The following NKX6-1 variants were observed in gnomAD, a reference collection of about 807,000 sequenced individuals.
NKX6-1 encodes NK6 homeobox 1.
In NKX6-1, 11 loss-of-function variants were observed where a neutral mutation model predicts 24.9. That is an observed-to-expected ratio of 0.44 (90% confidence interval 0.28 to 0.73). The LOEUF is 0.73. NKX6-1 is among the 30% of genes least tolerant of loss of function. NKX6-1 has a pLI of 0.15. For missense variants in NKX6-1, 487 were observed against 502.9 expected (o/e 0.97, Z 0.30); for synonymous variants, 277 against 242.9 (o/e 1.14, Z -1.31).
rs751590362 is a variant in NKX6-1 at position 84,497,403 on chromosome 4, C to T, written c.670+156G>A. On this transcript the variant is annotated intron_variant, in intron 1 of 2. Transcript: ENST00000295886. The surrounding 1 kb of genome is among the most constrained non-coding windows in gnomAD (Gnocchi z 4.8). ...AAAAGCGAGAATCCCTTTCTGGAAGCCCTGGCCCAACCTAACTGGTGTGAT... is the reference window on the plus strand; with the variant it reads ...AAAAGCGAGAATCCCTTTCTGGAAGTCCTGGCCCAACCTAACTGGTGTGAT... Among the ~76,000 whole-genome samples, 27 of 152,204 alleles carry T rather than the reference C, an allele frequency of 1.8e-4. No individual in the cohort carries two copies. The highest frequency in any genetic ancestry group is 7.2e-4 in the Admixed American group (11 of 15,284).
At chr4:84,494,952 G>A (rs1720789999) in intron 2 of NKX6-1, among the ~76,000 whole-genome samples, 1 of 152,106 alleles carries the variant, frequency 6.6e-6, no homozygotes, top group Non-Finnish European at 1.5e-5. Flanking sequence ...TCTGAAATTT[G>A]TTTCCTTGGA....
rs34303850 is a variant in NKX6-1 at position 84,494,174 on chromosome 4, CA to C, written c.844-626del. ...TTTACTTGCAATGTATGGTGCACTT[CA>C]AAAAAAAAAAAAAAAAGATCTGTTA... On this transcript the variant is annotated intron_variant, in intron 2 of 2. Transcript: ENST00000295886. Among the ~76,000 whole-genome samples the C allele has an allele frequency of 4.2e-3, 447 of 107,540 alleles. 2 individuals carry two copies. Among genetic ancestry groups the C allele is most frequent in the Middle Eastern group, 0.015 (3 of 200 alleles). 70.6% of individuals were successfully genotyped at this position (107,540 alleles called of 152,430 possible). A position where few individuals can be genotyped will look rare whatever the true frequency, so the allele number is the denominator to read the frequency against.
At chr4:84,494,093 C>G (rs1180645492) in intron 2 of NKX6-1, among the ~76,000 whole-genome samples, 1 of 149,734 alleles carries the variant, frequency 6.7e-6, no homozygotes, top group Non-Finnish European at 1.5e-5. Context: ...GTTTGTTTCA[C>G]TTATCTCAGA....
In NKX6-1 at chr4:84,492,279, G is replaced by GCAT. The variant is rs1216943244; in HGVS notation, c.*1007_*1009dup. The GCAT allele has an allele frequency of 6.6e-6, 1 of 152,072 alleles. No homozygotes were observed. Among genetic ancestry groups the GCAT allele is most frequent in the Non-Finnish European group, 1.5e-5 (1 of 68,022 alleles). The allele number at this position is 152,072 out of a possible 1,614,324, so 9.4% of individuals were successfully genotyped here. A position where few individuals can be genotyped will look rare whatever the true frequency, so the allele number is the denominator to read the frequency against. ...CAATTCCCACCACCTACTTTAACAC[G>GCAT]CATTTTTATCAGAAAGGAGTTAAAT... On this transcript the variant is annotated 3_prime_UTR_variant, in exon 3 of 3. Coordinates refer to ENST00000295886, the MANE Select transcript of NKX6-1 (RefSeq NM_006168.3).
chr4:84,495,717 C>A lies in NKX6-1; in HGVS notation c.798G>T (p.Arg266Ser). Reference sequence around the variant, plus strand: ...TCCCCAACGAATAGGCCAAACGAGCCCTCTCGGGCCCCGCCAAGTATTTTG... The same window carrying A: ...TCCCCAACGAATAGGCCAAACGAGCACTCTCGGGCCCCGCCAAGTATTTTG... ...EQTKYLAGPE[R>S]ARLAYSLGMT... Residue 266 changes from arginine (R) to serine (S), a missense_variant, in exon 2 of 3, where the codon AGG becomes AGT. Transcript: ENST00000295886. The A allele has an allele frequency of 6.2e-7, 1 of 1,613,092 alleles. No individual in the cohort carries two copies. Among genetic ancestry groups the A allele is most frequent in the Non-Finnish European group, 8.5e-7 (1 of 1,180,034 alleles).
chr4:84,498,471 CG>C lies in NKX6-1; in HGVS notation c.-244del, dbSNP rs1720876967. The C allele has an allele frequency of 2.5e-6, 1 of 397,068 alleles. No homozygotes were observed. The highest frequency in any genetic ancestry group is 4.4e-5 in the Admixed American group (1 of 22,518). 24.6% of individuals were successfully genotyped at this position (397,068 alleles called of 1,614,324 possible). On this transcript the variant is annotated 5_prime_UTR_variant, in exon 1 of 3. Transcript: ENST00000295886. ...TCGCCGAGAAAAGCAGGCGTCCCGG[CG>C]GGCTAGGCAGTCCTTTCGTTCCGCG...
In NKX6-1 at chr4:84,492,996, C is replaced by T. The variant is rs1049660188; in HGVS notation, c.*293G>A. On this transcript the variant is annotated 3_prime_UTR_variant, in exon 3 of 3. Transcript: ENST00000295886. ...AGGCCGCTGCCCGCCTATGGGGACGCGGCTGGGACCGTGGCCCGGCTGCGG... is the reference window on the plus strand; with the variant it reads ...AGGCCGCTGCCCGCCTATGGGGACGTGGCTGGGACCGTGGCCCGGCTGCGG... The T allele has an allele frequency of 3.1e-4, 65 of 207,910 alleles. No homozygotes were observed. The highest frequency in any genetic ancestry group is 5.7e-4 in the Non-Finnish European group (60 of 105,564). The allele number at this position is 207,910 out of a possible 1,614,324, so 12.9% of individuals were successfully genotyped here.
In NKX6-1 at chr4:84,493,588, C is replaced by T. The variant is rs13123447; in HGVS notation, c.844-39G>A. The stretch of plus-strand genomic sequence containing the variant: ...AAAGGGAGGAGAGGGGAGGCAAGGG[C>T]GAGGAATTAAACGAGCAGATCCAGG... On this transcript the variant is annotated intron_variant, in intron 2 of 2. Transcript: ENST00000295886. This position sits in a 1 kb window ranked among gnomAD's most constrained non-coding sequence, Gnocchi z 5.1. 525,393 of 1,608,532 alleles carry T rather than the reference C, an allele frequency of 0.33. 87,258 individuals carry two copies. Among genetic ancestry groups the T allele is most frequent in the Admixed American group, 0.42 (25,335 of 59,746 alleles).
chr4:84,497,947 G>C lies in NKX6-1; in HGVS notation c.282C>G (p.Thr94=). 7.7e-7 allele frequency: 1 copy of C among 1,300,658 alleles called. No individual in the cohort carries two copies. The highest frequency in any genetic ancestry group is 9.8e-7 in the Non-Finnish European group (1 of 1,020,838). 80.6% of individuals were successfully genotyped at this position (1,300,658 alleles called of 1,614,324 possible). Reference sequence around the variant, plus strand: ...TCAGGATATCGTTGATGCCGTGTGGGGTGGCGGCCGAGAGCTGCTGCGGGG... The same window carrying C: ...TCAGGATATCGTTGATGCCGTGTGGCGTGGCGGCCGAGAGCTGCTGCGGGG... ...GSPPQQLSAA[T]PHGINDILSR... Residue 94 remains threonine (T), a synonymous_variant, in exon 1 of 3, where the codon ACC becomes ACG. Transcript: ENST00000295886. The surrounding 1 kb of genome is among the most constrained non-coding windows in gnomAD (Gnocchi z 4.8).
At chr4:84,496,363 G>C (rs999051737) in intron 1 of NKX6-1, 7 of 150,174 alleles carry the variant, frequency 4.7e-5, no homozygotes, top group African/African-American at 1.7e-4. Flanking sequence ...CCGAGGGGGA[G>C]AGGGGAAGGG....
rs1376908635 is a variant in NKX6-1, at chr4:84,493,180, T to TCCTCCGGGC, written c.*100_*108dup. On this transcript the variant is annotated 3_prime_UTR_variant, in exon 3 of 3. Coordinates refer to ENST00000295886, the MANE Select transcript of NKX6-1 (RefSeq NM_006168.3). The surrounding 1 kb of genome is among the most constrained non-coding windows in gnomAD (Gnocchi z 5.1). ...AAGGGTCCCCGCAGGCAGGGCCGGGTCCTCCGGGCCCCGAGGAGCGGGCAG... is the reference window on the plus strand; with the variant it reads ...AAGGGTCCCCGCAGGCAGGGCCGGGTCCTCCGGGCCCTCCGGGCCCCGAGGAGCGGGCAG... 3 of 1,030,016 alleles carry TCCTCCGGGC rather than the reference T, an allele frequency of 2.9e-6. No individual in the cohort carries two copies. Among genetic ancestry groups the TCCTCCGGGC allele is most frequent in the Non-Finnish European group, 3.9e-6 (3 of 776,812 alleles). The allele number at this position is 1,030,016 out of a possible 1,614,324, so 63.8% of individuals were successfully genotyped here.
In NKX6-1 at chr4:84,498,496, C is replaced by T; in HGVS notation, c.-268G>A. The T allele has an allele frequency of 2.6e-6, 1 of 387,378 alleles. No individual in the cohort carries two copies. Among genetic ancestry groups the T allele is most frequent in the Non-Finnish European group, 4.6e-6 (1 of 219,420 alleles). 24.0% of individuals were successfully genotyped at this position (387,378 alleles called of 1,614,324 possible). A position where few individuals can be genotyped will look rare whatever the true frequency, so the allele number is the denominator to read the frequency against. ...CGGGCTAGGCAGTCCTTTCGTTCCG[C>T]GAGTCCTAGATTCGATCCCTGGCTA... On this transcript the variant is annotated 5_prime_UTR_variant, in exon 1 of 3. Coordinates refer to ENST00000295886, the MANE Select transcript of NKX6-1 (RefSeq NM_006168.3).
At chr4:84,494,298 T>C (rs916687939) in intron 2 of NKX6-1, among the ~76,000 whole-genome samples, 7 of 152,166 alleles carry the variant, frequency 4.6e-5, no homozygotes, top group Admixed American at 4.6e-4. Flanking sequence ...TGAAAAATTG[T>C]CAATTACATT....
At position 84,492,305 on chromosome 4, in the gene NKX6-1, A is replaced by G. The variant is rs1218895293; in HGVS notation, c.*984T>C. 6.6e-6 allele frequency: 1 copy of G among 152,248 alleles called. No homozygotes were observed. The highest frequency in any genetic ancestry group is 1.5e-5 in the Non-Finnish European group (1 of 68,052). The allele number at this position is 152,248 out of a possible 1,614,324, so 9.4% of individuals were successfully genotyped here. On this transcript the variant is annotated 3_prime_UTR_variant, in exon 3 of 3. Transcript: ENST00000295886. Reference sequence around the variant, plus strand: ...CATTTTTATCAGAAAGGAGTTAAATACAAGCTATTGTAGCCCCTCCCTCCC... The same window carrying G: ...CATTTTTATCAGAAAGGAGTTAAATGCAAGCTATTGTAGCCCCTCCCTCCC...
At chr4:84,494,584 G>T (rs576982696) in intron 2 of NKX6-1, among the ~76,000 whole-genome samples, 2 of 152,244 alleles carry the variant, frequency 1.3e-5, no homozygotes, top group African/African-American at 4.8e-5. Context: ...TAGCCATATA[G>T]ACATATTTAC....
At position 84,498,378 on chromosome 4, in the gene NKX6-1, G is replaced by A. The variant is rs150847073; in HGVS notation, c.-150C>T. 4 of 837,654 alleles carry A rather than the reference G, an allele frequency of 4.8e-6. No homozygotes were observed. Among genetic ancestry groups the A allele is most frequent in the Non-Finnish European group, 4.8e-6 (3 of 628,216 alleles). The allele number at this position is 837,654 out of a possible 1,614,324, so 51.9% of individuals were successfully genotyped here. ...AGCTGCCAACTGAACCAAAAATGCC[G>A]CTGCCGGGAGTTGCTCGCCTAGCTG... On this transcript the variant is annotated 5_prime_UTR_variant, in exon 1 of 3. Coordinates refer to ENST00000295886, the MANE Select transcript of NKX6-1 (RefSeq NM_006168.3).
rs1162550663 is a variant in NKX6-1 at position 84,492,213 on chromosome 4, A to T, written c.*1076T>A. 6.6e-6 allele frequency: 1 copy of T among 152,242 alleles called. No homozygotes were observed. Among genetic ancestry groups the T allele is most frequent in the Non-Finnish European group, 1.5e-5 (1 of 68,048 alleles). The allele number at this position is 152,242 out of a possible 1,614,324, so 9.4% of individuals were successfully genotyped here. A position where few individuals can be genotyped will look rare whatever the true frequency, so the allele number is the denominator to read the frequency against. The stretch of plus-strand genomic sequence containing the variant: ...AAACACTTCAAATTCAATTACAGTA[A>T]CTAAATGAATTTTTATGTTTCAGAC... On this transcript the variant is annotated 3_prime_UTR_variant, in exon 3 of 3. Transcript: ENST00000295886.
At position 84,499,227 on chromosome 4, in the gene NKX6-1, C is replaced by T. The variant is rs1472671182; in HGVS notation, c.-999G>A. On this transcript the variant is annotated 5_prime_UTR_variant, in exon 1 of 3. Transcript: ENST00000295886. ...AAACTGACCCTCTCCGCGGCTCCTC[C>T]GCTCTTTCTCTCCTTTCCTCTCTCC... Among the ~76,000 whole-genome samples, 2 of 152,240 alleles carry T rather than the reference C, an allele frequency of 1.3e-5. No homozygotes were observed. The highest frequency in any genetic ancestry group is 2.9e-5 in the Non-Finnish European group (2 of 68,046).
rs1720736817 is a variant in NKX6-1 at position 84,492,086 on chromosome 4, A to T, written c.*1203T>A. 1 of 152,208 alleles carries T rather than the reference A, an allele frequency of 6.6e-6. No homozygotes were observed. The highest frequency in any genetic ancestry group is 2.4e-5 in the African/African-American group (1 of 41,442). The allele number at this position is 152,208 out of a possible 1,614,324, so 9.4% of individuals were successfully genotyped here. ...GGGTTTTCTTCTCTTTACAAACCGA[A>T]TTCCTTATATAAATTAATAAAGGTT... On this transcript the variant is annotated 3_prime_UTR_variant, in exon 3 of 3. Transcript: ENST00000295886.
Sources: gnomAD v4.1 joint callset for allele counts (sites outside exome capture counted in the v4.1 genomes callset) on GRCh38, gnomAD v4.1.1 for gene constraint, Gnocchi (gnomAD v3.1) non-coding constraint, MANE v1.5 for transcripts, NCBI Gene and HGNC (gene_info 2026-07-23, HGNC 2026-07-21) for gene names.